CMTM4: variants seen among roughly 807,000 people sequenced by gnomAD.
The protein encoded by CMTM4 is CKLF like MARVEL transmembrane domain containing 4, also known as CKLF-like MARVEL transmembrane domain-containing protein 4.
A neutral mutation model predicts 19.0 loss-of-function variants in CMTM4; 8 were observed. The ratio of observed to expected loss-of-function variants is 0.42; its 90% CI spans 0.25 to 0.76. The LOEUF is 0.76. Ranked by LOEUF, CMTM4 falls within the 30% of genes least tolerant of loss-of-function variation. The probability of loss-of-function intolerance (pLI) is 0.27; values close to 1 mark genes in which losing one functional copy is unlikely to be tolerated. For missense variants in CMTM4, 228 were observed against 290.2 expected, an observed-to-expected ratio of 0.79 and a Z score of 1.56; for synonymous variants, 106 against 121.1, an observed-to-expected ratio of 0.88 and a Z score of 0.82.
chr16:66,604,932 C>T, the CMTM4 span: 8 of 1,500,716 alleles, frequency 5.3e-6, no homozygotes, highest in African/African-American at 1.5e-5. Context: ...TCTCAAAGGC[C>T]GCCTCCTGCT....
chr16:66,643,836 C>A (rs1419378445), intron 1 of CMTM4, among the ~76,000 whole-genome samples: 2 of 152,204 alleles, frequency 1.3e-5, no homozygotes, highest in African/African-American at 4.8e-5. Flanking sequence ...TCACCGCAAC[C>A]TCTGCCTTCC....
the CMTM4 span, chr16:66,604,984 T>C: frequency 6.9e-7 from 1 of 1,448,378 alleles, no homozygotes; most frequent in Non-Finnish European, 9.0e-7. Context: ...GCCGCCCCGC[T>C]AGGACTGCGC....
chr16:66,612,331 C>T (rs957755138), downstream of CMTM4, among the ~76,000 whole-genome samples: 1 of 151,994 alleles, frequency 6.6e-6, no homozygotes. The surrounding 1 kb of genome is among the most constrained non-coding windows in gnomAD (Gnocchi z 6.0). Flanking sequence ...GTCGAGATCC[C>T]GCCATTGCAC....
At chr16:66,693,106 C>T (rs747146178) in intron 1 of CMTM4, among the ~76,000 whole-genome samples, 2 of 152,024 alleles carry the variant, frequency 1.3e-5, no homozygotes, top group Non-Finnish European at 2.9e-5. Context: ...CGCCAGTAAT[C>T]CCAGCTACTC....
intron 2 of CMTM4, among the ~76,000 whole-genome samples, chr16:66,630,166 G>A (rs1029619334): frequency 1.3e-5 from 2 of 151,936 alleles, no homozygotes; most frequent in South Asian, 2.1e-4. Context: ...TGCTAACTCC[G>A]AGAGTTAGTG....
chr16:66,631,927 TAAAAA>T (rs1227581393), intron 2 of CMTM4, among the ~76,000 whole-genome samples: 4 of 151,104 alleles, frequency 2.6e-5, no homozygotes, highest in Admixed American at 2.6e-4. Context: ...GAATGATCAA[TAAAAA>T]AATAAAATAA....
intron 1 of CMTM4, among the ~76,000 whole-genome samples, chr16:66,685,831 G>C (rs750369068): frequency 5.9e-5 from 9 of 152,102 alleles, no homozygotes; most frequent in Non-Finnish European, 1.0e-4. Context: ...TTTTAGTAGA[G>C]ATCTTGTTTC....
At chr16:66,692,599 C>CA (rs1037026212) in intron 1 of CMTM4, among the ~76,000 whole-genome samples, 40 of 152,246 alleles carry the variant, frequency 2.6e-4, no homozygotes, top group African/African-American at 8.9e-4. Context: ...CAATAGGCCA[C>CA]AAAAAACACC....
chr16:66,607,818 A>G, the CMTM4 span, among the ~76,000 whole-genome samples: 1 of 147,242 alleles, frequency 6.8e-6, no homozygotes, highest in South Asian at 2.1e-4. Flanking sequence ...CATAGGTGTG[A>G]GCCTGGGCCA....
chr16:66,609,466 T>C, the CMTM4 span: 1 of 1,613,036 alleles, frequency 6.2e-7, no homozygotes, highest in Non-Finnish European at 8.5e-7. This position sits in a 1 kb window ranked among gnomAD's most constrained non-coding sequence, Gnocchi z 4.4. Flanking sequence ...GCGGCCCTCA[T>C]CTACTTTGCT....
At chr16:66,652,904 G>C (rs2016336360) in intron 1 of CMTM4, among the ~76,000 whole-genome samples, 1 of 152,282 alleles carries the variant, frequency 6.6e-6, no homozygotes, top group Middle Eastern at 3.4e-3. Flanking sequence ...TGCTCAAAAA[G>C]TCAAATTTTC....
At position 66,617,895 on chromosome 16, in the gene CMTM4, G is replaced by A. The variant is rs1050200993; in HGVS notation, c.*4163C>T. The A allele has an allele frequency of 1.5e-5, 15 of 988,266 alleles. No homozygotes were observed. Among genetic ancestry groups the A allele is most frequent in the Non-Finnish European group, 1.8e-5 (15 of 831,916 alleles). The allele number at this position is 988,266 out of a possible 1,614,324, so 61.2% of individuals were successfully genotyped here. A position where few individuals can be genotyped will look rare whatever the true frequency, so the allele number is the denominator to read the frequency against. ...CCCTCAAGCTGACTGTGGAACGCGA[G>A]ACAGCTTTCAAAGACAAGAGGACAG... On this transcript the variant is annotated 3_prime_UTR_variant, in exon 4 of 4. Transcript: ENST00000394106.
chr16:66,644,159 TC>T, intron 1 of CMTM4, among the ~76,000 whole-genome samples: 1 of 152,254 alleles, frequency 6.6e-6, no homozygotes, highest in South Asian at 2.1e-4. Context: ...AGTCTGACAA[TC>T]CCAAATAAAA....
At chr16:66,630,932 C>T (rs1276614633) in intron 2 of CMTM4, among the ~76,000 whole-genome samples, 180 of 151,186 alleles carry the variant, frequency 1.2e-3, no homozygotes, top group Non-Finnish European at 2.7e-4. Context: ...ATGTGAGGAG[C>T]GCCTCTGCCT....
chr16:66,669,793 C>G (rs528144984), intron 1 of CMTM4, among the ~76,000 whole-genome samples: 1 of 152,228 alleles, frequency 6.6e-6, no homozygotes, highest in East Asian at 1.9e-4. Flanking sequence ...ATCCACCCAC[C>G]TCGGCCTCCC....
the CMTM4 span, chr16:66,604,856 C>T: frequency 7.2e-7 from 1 of 1,384,136 alleles, no homozygotes; most frequent in South Asian, 1.6e-5. Flanking sequence ...CTGCCGGCGG[C>T]TCCCGTCCCG....
At chr16:66,689,135 G>T (rs966087664) in intron 1 of CMTM4, among the ~76,000 whole-genome samples, 1 of 151,970 alleles carries the variant, frequency 6.6e-6, no homozygotes, top group East Asian at 1.9e-4. Context: ...TAATTTTTTT[G>T]CAACGGCTAG....
At position 66,639,468 on chromosome 16, in the gene CMTM4, G is replaced by GT. The variant is rs549031883; in HGVS notation, c.187-2888dup. 3.8e-4 allele frequency among the ~76,000 whole-genome samples: 58 copies of GT among 151,662 alleles called. 1 individual carries two copies. In the South Asian group the frequency reaches 7.1e-3, roughly 19 times the overall value. ...TAGCTCACAGTCTAATAAAGGAGTT[G>GT]TTTTTTTTTAAATTACATTTAAAAA... On this transcript the variant is annotated intron_variant, in intron 1 of 3. Transcript: ENST00000394106.
At chr16:66,614,207 AAC>A (rs1259713746), downstream of CMTM4, among the ~76,000 whole-genome samples, 1 of 152,220 alleles carries the variant, frequency 6.6e-6, no homozygotes, top group East Asian at 1.9e-4. The surrounding 1 kb of genome is among the most constrained non-coding windows in gnomAD (Gnocchi z 4.9). Context: ...CCTGGCTCCT[AAC>A]AGGTCCCATG....
Sources: gnomAD v4.1 joint callset for allele counts (sites outside exome capture counted in the v4.1 genomes callset) on GRCh38, gnomAD v4.1.1 for gene constraint, Gnocchi (gnomAD v3.1) non-coding constraint, MANE v1.5 for transcripts, NCBI Gene and HGNC (gene_info 2026-07-23, HGNC 2026-07-21) for gene names.